The following NRP1 variants were observed in gnomAD, a reference collection of about 807,000 sequenced individuals.
The protein encoded by NRP1 is neuropilin-1.
In NRP1, 35 loss-of-function variants were observed where a neutral mutation model predicts 106.7. The ratio of observed to expected loss-of-function variants is 0.33; its 90% CI spans 0.25 to 0.43. The LOEUF is 0.43. Among genes scored for constraint, NRP1 ranks in the 20% least tolerant of loss-of-function variants. The pLI, the probability that NRP1 is intolerant of heterozygous loss-of-function variation, is 1.00. For missense variants in NRP1, 1,024 were observed against 1,170.4 expected (o/e 0.87, Z 1.83); for synonymous variants, 437 against 417.9 (o/e 1.05, Z -0.56).
chr10:33,314,393 C>A (rs1846863936), intron 2 of NRP1, among the ~76,000 whole-genome samples: 1 of 152,190 alleles, frequency 6.6e-6, no homozygotes, highest in African/African-American at 2.4e-5. Context: ...GTAAATCATT[C>A]TTTTCTATGG....
At position 33,313,795 on chromosome 10, in the gene NRP1, A is replaced by G. The variant is rs532894362; in HGVS notation, c.248+16913T>C. 2.7e-4 allele frequency among the ~76,000 whole-genome samples: 41 copies of G among 152,304 alleles called. No homozygotes were observed. The South Asian group carries it at 4.1e-3, about 15-fold the overall frequency. ...CAAATTTCTTGAGAGAGCTACGGACATGGTCCACACAGGACGGGCACCAAG... is the reference window on the plus strand; with the variant it reads ...CAAATTTCTTGAGAGAGCTACGGACGTGGTCCACACAGGACGGGCACCAAG... On this transcript the variant is annotated intron_variant, in intron 2 of 16. Coordinates refer to ENST00000374867, the MANE Select transcript of NRP1 (RefSeq NM_003873.7).
chr10:33,253,553 C>CCTTCT (rs1285066103), intron 6 of NRP1, among the ~76,000 whole-genome samples: 1 of 152,150 alleles, frequency 6.6e-6, no homozygotes, highest in East Asian at 1.9e-4. Context: ...CCTTTCCTTC[C>CCTTCT]CTTCTCCTAC....
chr10:33,286,235 G>T (rs568415175), intron 2 of NRP1, among the ~76,000 whole-genome samples: 1 of 152,320 alleles, frequency 6.6e-6, no homozygotes, highest in East Asian at 1.9e-4. Context: ...TTGCATAAAG[G>T]TTGTTGAGAT....
At chr10:33,334,111 G>A (rs1475216477) in intron 1 of NRP1, among the ~76,000 whole-genome samples, 199 bp downstream of exon 1, 1 of 152,178 alleles carries the variant, frequency 6.6e-6, no homozygotes, top group East Asian at 1.9e-4. Context: ...ACGTCAGGAG[G>A]GAGCCCAAAG....
intron 9 of NRP1, 170 bp downstream of exon 9, chr10:33,213,216 T>C (rs1486770061): frequency 5.2e-6 from 8 of 1,535,428 alleles, no homozygotes; most frequent in African/African-American, 1.4e-5. Flanking sequence ...TCACTTTTCA[T>C]GCCATATTCC....
At chr10:33,189,609 G>A (rs1018851512) in intron 13 of NRP1, among the ~76,000 whole-genome samples, 2 of 152,214 alleles carry the variant, frequency 1.3e-5, no homozygotes, top group African/African-American at 2.4e-5. Context: ...CACTGAACCA[G>A]GGAGAGATGC....
intron 3 of NRP1, among the ~76,000 whole-genome samples, chr10:33,265,796 G>A (rs1325858128): frequency 1.3e-5 from 2 of 152,182 alleles, no homozygotes; most frequent in African/African-American, 2.4e-5. Context: ...AGTTGGTAAC[G>A]TGGCAATTCG....
chr10:33,225,796 GA>G (rs374236165), intron 7 of NRP1, among the ~76,000 whole-genome samples: 1 of 152,326 alleles, frequency 6.6e-6, no homozygotes, highest in African/African-American at 2.4e-5. Flanking sequence ...ATCGAGGGGG[GA>G]AAAACAACAA....
intron 4 of NRP1, among the ~76,000 whole-genome samples, chr10:33,260,944 T>G (rs936081467): frequency 7.0e-6 from 1 of 143,512 alleles, no homozygotes; most frequent in Non-Finnish European, 1.5e-5. Context: ...GAACTGTGTA[T>G]GTTGAACTAC....
intron 6 of NRP1, among the ~76,000 whole-genome samples, chr10:33,242,266 T>C (rs1441809853): frequency 6.6e-6 from 1 of 152,232 alleles, no homozygotes; most frequent in Non-Finnish European, 1.5e-5. Flanking sequence ...AAAAGTATTG[T>C]CTGATTTTTC....
In NRP1 at chr10:33,180,068, G is replaced by A; in HGVS notation, c.*8C>T. 3 of 1,612,820 alleles carry A rather than the reference G, an allele frequency of 1.9e-6. No homozygotes were observed. The highest frequency in any genetic ancestry group is 2.5e-6 in the Non-Finnish European group (3 of 1,179,242). On this transcript the variant is annotated 3_prime_UTR_variant, in exon 17 of 17. Transcript: ENST00000374867. ...GTCCTTTGACTGTCTTTTCATCTCT[G>A]TCTGCCTTCATGCCTCCGAATAAGT...
At chr10:33,286,768 C>T (rs1844595818) in intron 2 of NRP1, among the ~76,000 whole-genome samples, 1 of 152,136 alleles carries the variant, frequency 6.6e-6, no homozygotes, top group Non-Finnish European at 1.5e-5. Flanking sequence ...ATTTTTATAG[C>T]TGTTTAGTTG....
In NRP1 at chr10:33,213,651, G is replaced by C; in HGVS notation, c.1349C>G (p.Ser450Cys). Reference sequence around the variant, plus strand: ...CATCCAGTTTCTGTCCCCTTGGTTGGATGATGTGATCTGGGAGTCAGAAAT... The same window carrying C: ...CATCCAGTTTCTGTCCCCTTGGTTGCATGATGTGATCTGGGAGTCAGAAAT... The part of the protein sequence containing the change: ...GLISDSQITS[S>C]NQGDRNWMPE... The change falls in exon 9 of 17, where the codon TCC becomes TGC. Residue 450 changes from serine (S) to cysteine (C), a missense_variant. Ser to Cys is a moderately radical substitution (Grantham distance 112, BLOSUM62 -1). Transcript: ENST00000374867. The C allele has an allele frequency of 1.2e-6, 2 of 1,613,982 alleles. No homozygotes were observed. Among genetic ancestry groups the C allele is most frequent in the South Asian group, 2.2e-5 (2 of 91,042 alleles).
intron 2 of NRP1, 68 bp from the exon 3 acceptor site, chr10:33,270,924 A>T: frequency 7.4e-7 from 1 of 1,355,908 alleles, no homozygotes; most frequent in Non-Finnish European, 1.0e-6. Context: ...AATAATTTAG[A>T]CACCAGCATC....
intron 11 of NRP1, among the ~76,000 whole-genome samples, chr10:33,200,054 G>A (rs181229267): frequency 6.6e-6 from 1 of 152,336 alleles, no homozygotes; most frequent in Non-Finnish European, 1.5e-5. Context: ...GCAGGCACTA[G>A]GAAGAAGGAA....
chr10:33,321,096 C>T (rs906639597), intron 2 of NRP1, among the ~76,000 whole-genome samples: 1 of 152,178 alleles, frequency 6.6e-6, no homozygotes, highest in Non-Finnish European at 1.5e-5. Flanking sequence ...AAGCGATTCT[C>T]CTGCCTCAGC....
At chr10:33,281,786 G>A (rs1040334358) in intron 2 of NRP1, among the ~76,000 whole-genome samples, 2 of 152,204 alleles carry the variant, frequency 1.3e-5, no homozygotes, top group Non-Finnish European at 2.9e-5. Context: ...GTAGGTGTTC[G>A]ATGGTCCCTT....
At chr10:33,269,812 C>T (rs1843172054) in intron 3 of NRP1, among the ~76,000 whole-genome samples, 1 of 152,172 alleles carries the variant, frequency 6.6e-6, no homozygotes, top group African/African-American at 2.4e-5. Flanking sequence ...CCAGGTTGCG[C>T]ACTCCTTATA....
At chr10:33,265,855 A>G (rs1231326073) in intron 3 of NRP1, among the ~76,000 whole-genome samples, 1 of 152,174 alleles carries the variant, frequency 6.6e-6, no homozygotes, top group Non-Finnish European at 1.5e-5. Flanking sequence ...ATGGTTTATA[A>G]TCTTAGTTTC....
Sources: gnomAD v4.1 joint callset for allele counts (sites outside exome capture counted in the v4.1 genomes callset) on GRCh38, gnomAD v4.1.1 for gene constraint, MANE v1.5 for transcripts, NCBI Gene and HGNC (gene_info 2026-07-23, HGNC 2026-07-21) for gene names.